The following SNTB1 variants were observed in gnomAD, a reference collection of about 807,000 sequenced individuals.
SNTB1 encodes the protein syntrophin beta 1, also known as beta-1-syntrophin.
A neutral mutation model predicts 48.9 loss-of-function variants in SNTB1; 36 were observed. The observed-to-expected ratio is 0.74, with a 90% CI of 0.56 to 0.97. SNTB1 has a LOEUF of 0.97. SNTB1 is among the 50% of genes least tolerant of loss of function. The pLI is 0.00. For synonymous variants in SNTB1, 299 were observed against 294.6 expected (o/e 1.01, Z -0.15); for missense variants, 786 against 703.4 (o/e 1.12, Z -1.33).
At chr8:120,792,244 T>A (rs1354284507) in intron 1 of SNTB1, among the ~76,000 whole-genome samples, 1 of 149,570 alleles carries the variant, frequency 6.7e-6, no homozygotes, top group African/African-American at 2.5e-5. Context: ...GTGAAGTAAC[T>A]CAGGAACTGA....
intron 3 of SNTB1, among the ~76,000 whole-genome samples, chr8:120,600,818 G>C (rs1018393483): frequency 2.6e-5 from 4 of 151,678 alleles, no homozygotes; most frequent in African/African-American, 9.7e-5. Context: ...CAGGGCTGTG[G>C]GGTGAAGGAA....
intron 3 of SNTB1, among the ~76,000 whole-genome samples, chr8:120,579,177 AAAAC>A (rs61054676): frequency 0.11 from 12,662 of 115,482 alleles, 1,016 homozygotes; most frequent in African/African-American, 0.25. Flanking sequence ...ACTCTGTCTC[AAAAC>A]AAACAAACAA....
At chr8:120,656,179 G>C (rs1563843424) in intron 2 of SNTB1, among the ~76,000 whole-genome samples, 1 of 152,178 alleles carries the variant, frequency 6.6e-6, no homozygotes, top group South Asian at 2.1e-4. Flanking sequence ...CATGATGGGG[G>C]CTAAGGAGAT....
chr8:120,611,580 T>C (rs1218197672), intron 3 of SNTB1, among the ~76,000 whole-genome samples: 5 of 151,680 alleles, frequency 3.3e-5, no homozygotes, highest in African/African-American at 1.2e-4. Context: ...TCCCAGCACT[T>C]TGGGAGGCGA....
At chr8:120,571,238 C>A (rs769856078) in intron 4 of SNTB1, 121 of 1,267,502 alleles carry the variant, frequency 9.5e-5, no homozygotes, top group Non-Finnish European at 1.1e-4. Flanking sequence ...TTCTGAGAAT[C>A]ATTTCAAGAT....
intron 3 of SNTB1, among the ~76,000 whole-genome samples, chr8:120,628,654 G>A (rs1816924971): frequency 6.6e-6 from 1 of 152,158 alleles, no homozygotes; most frequent in South Asian, 2.1e-4. Context: ...CTACTTGGGA[G>A]GCTGAGGTAG....
chr8:120,728,929 C>T (rs1455146341), intron 1 of SNTB1, among the ~76,000 whole-genome samples: 6 of 152,014 alleles, frequency 3.9e-5, no homozygotes, highest in Non-Finnish European at 5.9e-5. Flanking sequence ...TCCCACAAAC[C>T]GTGTATAAAT....
chr8:120,810,418 G>C (rs942448711), intron 1 of SNTB1, among the ~76,000 whole-genome samples: 7 of 152,300 alleles, frequency 4.6e-5, no homozygotes, highest in African/African-American at 1.7e-4. Flanking sequence ...AACAATGAGG[G>C]GACTGGGGAC....
chr8:120,748,070 C>G (rs1286248275), intron 1 of SNTB1, among the ~76,000 whole-genome samples: 2 of 152,122 alleles, frequency 1.3e-5, no homozygotes, highest in Non-Finnish European at 2.9e-5. Flanking sequence ...GTGTTTGATG[C>G]CTGCTAAAGA....
In SNTB1 at chr8:120,811,978, C is replaced by T; in HGVS notation, c.-135G>A. ...GGGGAGGTGGCGGCACGCGGGACTC[C>T]GCTCCGGGAGTTCGCAGACGCACTC... is the stretch of plus-strand genomic sequence containing the variant. On this transcript the variant is annotated 5_prime_UTR_variant, in exon 1 of 7. Coordinates refer to ENST00000517992, the MANE Select transcript of SNTB1 (RefSeq NM_021021.4). 7.9e-7 allele frequency: 1 copy of T among 1,271,100 alleles called. No homozygotes were observed. The highest frequency in any genetic ancestry group is 3.3e-5 in the East Asian group (1 of 30,546). 78.7% of individuals were successfully genotyped at this position (1,271,100 alleles called of 1,614,324 possible). A position where few individuals can be genotyped will look rare whatever the true frequency, so the allele number is the denominator to read the frequency against.
At chr8:120,688,646 C>A (rs1217120129) in intron 2 of SNTB1, among the ~76,000 whole-genome samples, 1 of 152,010 alleles carries the variant, frequency 6.6e-6, no homozygotes, top group African/African-American at 2.4e-5. Context: ...GACTGTTTAC[C>A]CTGAGGCTTA....
chr8:120,710,539 A>G (rs1818445219), intron 1 of SNTB1, among the ~76,000 whole-genome samples: 1 of 152,134 alleles, frequency 6.6e-6, no homozygotes, highest in Non-Finnish European at 1.5e-5. Flanking sequence ...CCTCATTATG[A>G]TAGTATTGAG....
intron 3 of SNTB1, among the ~76,000 whole-genome samples, chr8:120,593,488 G>T (rs1217835006): frequency 6.6e-6 from 1 of 152,200 alleles, no homozygotes; most frequent in East Asian, 1.9e-4. Context: ...GGCTCAAGTA[G>T]TCCTTTACCT....
chr8:120,738,773 G>A (rs539820247), intron 1 of SNTB1, among the ~76,000 whole-genome samples: 1 of 152,272 alleles, frequency 6.6e-6, no homozygotes, highest in South Asian at 2.1e-4. Flanking sequence ...TCTAGCCTCA[G>A]ATTGCATGTA....
chr8:120,555,415 G>T (rs535773167), intron 4 of SNTB1, among the ~76,000 whole-genome samples: 27 of 152,318 alleles, frequency 1.8e-4, no homozygotes, highest in African/African-American at 6.0e-4. Flanking sequence ...GGGAAGGGCT[G>T]CTTGCCCTAC....
Position 120,632,659 on chromosome 8 carries a change from A to G in SNTB1, c.789-8T>C. The G allele has an allele frequency of 6.2e-7, 1 of 1,613,602 alleles. No homozygotes were observed. The highest frequency in any genetic ancestry group is 1.7e-5 in the Admixed American group (1 of 59,998). ...GAGTGGATTTCAAGCTGCCTAGAGGAGCACAGAGAGAAGGGTTAGAAAGTT... is the reference window on the plus strand; with the variant it reads ...GAGTGGATTTCAAGCTGCCTAGAGGGGCACAGAGAGAAGGGTTAGAAAGTT... On this transcript the variant is annotated splice_region_variant and splice_polypyrimidine_tract_variant and intron_variant, in intron 2 of 6. Transcript: ENST00000517992.
chr8:120,787,463 AC>A (rs145763161), intron 1 of SNTB1, among the ~76,000 whole-genome samples: 3,457 of 152,156 alleles, frequency 0.023, 122 homozygotes, highest in African/African-American at 0.079. Context: ...GGTAAAAAAA[AC>A]AACATAAATA....
chr8:120,798,587 T>A lies in SNTB1; in HGVS notation c.571+12686A>T, dbSNP rs139452850. ...CAATATCCCTTTTTAGTTCAATGAA[T>A]CTAACTTGTACATAATCTACTCACA... On this transcript the variant is annotated intron_variant, in intron 1 of 6. Transcript: ENST00000517992. 3.3e-3 allele frequency among the ~76,000 whole-genome samples: 501 copies of A among 152,142 alleles called. 4 individuals carry two copies. Among genetic ancestry groups the A allele is most frequent in the African/African-American group, 0.012 (478 of 41,520 alleles).
intron 5 of SNTB1, among the ~76,000 whole-genome samples, chr8:120,545,399 C>T (rs1013146836): frequency 2.2e-4 from 34 of 152,202 alleles, no homozygotes; most frequent in African/African-American, 7.7e-4. Flanking sequence ...TGGCGTTATA[C>T]GACTCAAAGA....
Sources: allele counts gnomAD v4.1 joint callset (sites outside exome capture counted in the v4.1 genomes callset), GRCh38; gene constraint gnomAD v4.1.1; transcripts MANE v1.5; gene names NCBI Gene and HGNC (gene_info 2026-07-23, HGNC 2026-07-21).